SLC14A2: variants seen among roughly 807,000 people sequenced by gnomAD.
SLC14A2 encodes the protein solute carrier family 14 member 2, also known as urea transporter 2.
SLC14A2 carries 91 observed loss-of-function variants against 104.6 expected under a neutral mutation model. The ratio of observed to expected loss-of-function variants is 0.87; its 90% CI spans 0.73 to 1.04. The LOEUF (loss-of-function observed/expected upper bound fraction) is 1.04, where lower values mean the gene tolerates loss of function less well. Among genes scored for constraint, SLC14A2 ranks in the 50% least tolerant of loss-of-function variants. The pLI is 0.00. For synonymous variants in SLC14A2, 476 were observed against 466.4 expected (o/e 1.02, Z -0.27); for missense variants, 1,189 against 1,156.0 (o/e 1.03, Z -0.41).
At chr18:45,253,914 A>T (rs1462799619) in intron 1 of SLC14A2, among the ~76,000 whole-genome samples, 2 of 152,204 alleles carry the variant, frequency 1.3e-5, no homozygotes, top group African/African-American at 4.8e-5. Flanking sequence ...TCTAGAAAGA[A>T]ATCTGGGCAA....
At chr18:45,168,530 A>G in the SLC14A2 span, 1 of 152,240 alleles carries the variant, frequency 6.6e-6, no homozygotes, top group African/African-American at 2.4e-5. Flanking sequence ...AATAGGAGGC[A>G]TATAAGCAGC....
chr18:45,318,653 G>C (rs932196732), intron 1 of SLC14A2, among the ~76,000 whole-genome samples: 1 of 152,028 alleles, frequency 6.6e-6, no homozygotes, highest in African/African-American at 2.4e-5. Flanking sequence ...TGGGCATGGT[G>C]GTGGGTGCCT....
At chr18:45,633,793 C>CT (rs1455953415) in intron 5 of SLC14A2, among the ~76,000 whole-genome samples, 1 of 152,212 alleles carries the variant, frequency 6.6e-6, no homozygotes, top group Non-Finnish European at 1.5e-5. Context: ...CTTAACTACT[C>CT]TTTTATTACT....
At chr18:45,354,143 C>T (rs1480752726) in intron 1 of SLC14A2, among the ~76,000 whole-genome samples, 7 of 152,118 alleles carry the variant, frequency 4.6e-5, no homozygotes, top group Non-Finnish European at 7.4e-5. Flanking sequence ...ATCAATACTA[C>T]GTAAATATAA....
At chr18:45,640,597 G>A (rs1398932871) in intron 7 of SLC14A2, among the ~76,000 whole-genome samples, 1 of 152,146 alleles carries the variant, frequency 6.6e-6, no homozygotes, top group East Asian at 1.9e-4. Flanking sequence ...AGCATTGGGA[G>A]TAGGAACCTG....
In SLC14A2 at chr18:45,339,717, A is replaced by G. The variant is rs76962517; in HGVS notation, c.-125+126526A>G. On this transcript the variant is annotated intron_variant, in intron 1 of 20. Transcript: ENST00000586448. ...GGATGGTGGGAAGAAAGGAAAGAGC[A>G]GGTTGTGTGGGCAGGTTTTTGGCAG... Among the ~76,000 whole-genome samples the G allele has an allele frequency of 1.1e-4, 17 of 152,334 alleles. No homozygotes were observed. The East Asian group carries it at 3.3e-3, about 29-fold the overall frequency.
chr18:45,289,859 C>T (rs930703481), intron 1 of SLC14A2, among the ~76,000 whole-genome samples: 1 of 152,150 alleles, frequency 6.6e-6, no homozygotes, highest in Non-Finnish European at 1.5e-5. Flanking sequence ...AAGTCAGATG[C>T]AAGACCTGAA....
chr18:45,395,987 A>G (rs1001872410), intron 1 of SLC14A2, among the ~76,000 whole-genome samples: 1 of 152,146 alleles, frequency 6.6e-6, no homozygotes, highest in Non-Finnish European at 1.5e-5. Context: ...CCTGAACACT[A>G]TACTACTAAT....
chr18:45,420,633 T>A (rs1012343580), intron 1 of SLC14A2, among the ~76,000 whole-genome samples: 4 of 152,182 alleles, frequency 2.6e-5, no homozygotes, highest in African/African-American at 9.6e-5. Context: ...TCTGGAATAA[T>A]GGTTGATAAT....
At chr18:45,508,576 C>G (rs2043319361) in intron 2 of SLC14A2, among the ~76,000 whole-genome samples, 1 of 152,170 alleles carries the variant, frequency 6.6e-6, no homozygotes, top group Non-Finnish European at 1.5e-5. Context: ...TCAGGTATGT[C>G]TTTATCGTCA....
intron 2 of SLC14A2, among the ~76,000 whole-genome samples, chr18:45,547,718 T>C (rs2852268): frequency 0.035 from 5,369 of 152,252 alleles, 310 homozygotes; most frequent in African/African-American, 0.12. Context: ...AATGAGATGA[T>C]CTTCATGAAG....
intron 1 of SLC14A2, among the ~76,000 whole-genome samples, chr18:45,398,077 C>T (rs1568182596): frequency 6.6e-6 from 1 of 151,800 alleles, no homozygotes; most frequent in East Asian, 1.9e-4. Flanking sequence ...TTAATTTTTA[C>T]AAAAAAAGTC....
At chr18:45,447,342 T>C (rs2086787423) in intron 1 of SLC14A2, 1 of 152,166 alleles carries the variant, frequency 6.6e-6, no homozygotes, top group Non-Finnish European at 1.5e-5. Flanking sequence ...CCGCTTTCAC[T>C]TTTCCAAAGT....
intron 2 of SLC14A2, among the ~76,000 whole-genome samples, chr18:45,540,813 T>G (rs1039315959): frequency 5.9e-5 from 9 of 152,072 alleles, no homozygotes; most frequent in African/African-American, 2.2e-4. Flanking sequence ...TGGGACATCT[T>G]CCCTCCCTTC....
chr18:45,484,781 T>G (rs1471729715), intron 2 of SLC14A2, among the ~76,000 whole-genome samples: 1 of 147,690 alleles, frequency 6.8e-6, no homozygotes, highest in African/African-American at 2.5e-5. Flanking sequence ...GGTTGGTTGG[T>G]TTTTCTTTTT....
At chr18:45,170,028 T>A in the SLC14A2 span, among the ~76,000 whole-genome samples, 2 of 152,202 alleles carry the variant, frequency 1.3e-5, no homozygotes, top group East Asian at 3.9e-4. Context: ...CTGGCTGCAA[T>A]GATGAGTAAA....
intron 10 of SLC14A2, among the ~76,000 whole-genome samples, chr18:45,653,672 C>T (rs146520175): frequency 6.6e-6 from 1 of 152,136 alleles, no homozygotes; most frequent in South Asian, 2.1e-4. Context: ...TCGTCACACC[C>T]TTCTTGCTCT....
intron 10 of SLC14A2, among the ~76,000 whole-genome samples, chr18:45,656,265 C>G (rs770329313): frequency 6.6e-5 from 10 of 152,034 alleles, no homozygotes; most frequent in Non-Finnish European, 1.3e-4. Flanking sequence ...AGAACACAAA[C>G]CAGACCTTGA....
chr18:45,551,293 T>A (rs922457590), intron 2 of SLC14A2, among the ~76,000 whole-genome samples: 1 of 152,168 alleles, frequency 6.6e-6, no homozygotes, highest in African/African-American at 2.4e-5. Flanking sequence ...AGATGGCTAT[T>A]TCAGCTGCAC....
Sources: gnomAD v4.1 joint callset for allele counts (sites outside exome capture counted in the v4.1 genomes callset) on GRCh38, gnomAD v4.1.1 for gene constraint, MANE v1.5 for transcripts, NCBI Gene and HGNC (gene_info 2026-07-23, HGNC 2026-07-21) for gene names.